ST8SIA6: variants seen among roughly 807,000 people sequenced by gnomAD.
ST8SIA6 encodes the protein ST8 alpha-N-acetyl-neuraminide alpha-2,8-sialyltransferase 6, also known as alpha-2,8-sialyltransferase 8F.
In ST8SIA6, 39 loss-of-function variants were observed where a neutral mutation model predicts 33.6. That is an observed-to-expected ratio of 1.16 (90% CI 0.90 to 1.52). ST8SIA6 has a LOEUF of 1.52. Ranked by LOEUF, ST8SIA6 falls within the 40% of genes most tolerant of loss-of-function variation. ST8SIA6 has a pLI of 0.00. For synonymous variants in ST8SIA6, 172 were observed against 167.2 expected (o/e 1.03, Z -0.22); for missense variants, 441 against 443.8 (o/e 0.99, Z 0.06).
chr10:17,449,950 T>A (rs1189348717), intron 2 of ST8SIA6, among the ~76,000 whole-genome samples: 2 of 152,172 alleles, frequency 1.3e-5, no homozygotes, highest in East Asian at 3.9e-4. Context: ...TGGGCAGCAC[T>A]CCATCCTGAG....
intron 2 of ST8SIA6, among the ~76,000 whole-genome samples, chr10:17,396,207 C>T (rs1850800190): frequency 1.3e-5 from 2 of 152,192 alleles, no homozygotes; most frequent in African/African-American, 2.4e-5. Context: ...TCTCAATTCC[C>T]TGATCCACTG....
At chr10:17,321,481 T>G (rs1374820775) in intron 7 of ST8SIA6, 135 bp from the exon 8 acceptor site, 1 of 664,322 alleles carries the variant, frequency 1.5e-6, no homozygotes, top group East Asian at 2.8e-5. Context: ...AGATAAAGTG[T>G]GGACTCAGAG....
intron 2 of ST8SIA6, among the ~76,000 whole-genome samples, chr10:17,451,020 C>T (rs1020364971): frequency 6.6e-6 from 1 of 152,194 alleles, no homozygotes; most frequent in Non-Finnish European, 1.5e-5. Flanking sequence ...AATGTGTTAA[C>T]TCTGTGACTG....
In ST8SIA6 at chr10:17,360,486, T is replaced by A. The variant is rs554768474; in HGVS notation, c.291-886A>T. On this transcript the variant is annotated intron_variant, in intron 3 of 7. Transcript: ENST00000377602. ...AAAGACTTTTTCTTATTTTTCTAAG[T>A]CTTCTTGAAAGAAAATTGTTTAAAG... is the stretch of plus-strand genomic sequence containing the variant. Among the ~76,000 whole-genome samples, 6 of 152,058 alleles carry A rather than the reference T, an allele frequency of 3.9e-5. No homozygotes were observed. In the East Asian group the frequency reaches 1.2e-3, roughly 29 times the overall value.
At chr10:17,411,624 T>C (rs1476374854) in intron 2 of ST8SIA6, among the ~76,000 whole-genome samples, 1 of 152,268 alleles carries the variant, frequency 6.6e-6, no homozygotes, top group Non-Finnish European at 1.5e-5. Context: ...CTACTTTGTC[T>C]TGTTGCAGAT....
At chr10:17,452,176 T>C (rs887749236) in intron 2 of ST8SIA6, among the ~76,000 whole-genome samples, 2 of 152,228 alleles carry the variant, frequency 1.3e-5, no homozygotes, top group African/African-American at 2.4e-5. Flanking sequence ...GGACACTATT[T>C]TTCTCAAAAG....
chr10:17,407,592 C>G (rs1851313966), intron 2 of ST8SIA6, among the ~76,000 whole-genome samples: 1 of 152,158 alleles, frequency 6.6e-6, no homozygotes, highest in East Asian at 1.9e-4. Context: ...GCTGTTCTCC[C>G]ATCTCCTGGC....
chr10:17,333,690 TATATATATATATATATATATA>T (rs1564404834), intron 4 of ST8SIA6, among the ~76,000 whole-genome samples: 1,509 of 39,092 alleles, frequency 0.039, 221 homozygotes, highest in East Asian at 0.093. Flanking sequence ...TATATATATA[TATATATATATATATATATATA>T]TATATATTTT....
At chr10:17,364,458 A>G (rs977376166) in intron 3 of ST8SIA6, among the ~76,000 whole-genome samples, 2 of 152,188 alleles carry the variant, frequency 1.3e-5, no homozygotes, top group African/African-American at 2.4e-5. Context: ...TACTCAAGGT[A>G]CTTACTCCCT....
At chr10:17,399,161 CT>C (rs1850937067) in intron 2 of ST8SIA6, 1 of 152,152 alleles carries the variant, frequency 6.6e-6, no homozygotes. Context: ...TTCTGGCTGC[CT>C]TTTAATTTCG....
chr10:17,327,237 G>A (rs760966276), intron 5 of ST8SIA6, 111 bp from the exon 6 acceptor site: 8 of 766,242 alleles, frequency 1.0e-5, no homozygotes, highest in Admixed American at 6.6e-5. Context: ...AGAAGAATAC[G>A]AACAAGAAAA....
At chr10:17,380,253 A>G (rs1455213413) in intron 3 of ST8SIA6, among the ~76,000 whole-genome samples, 2 of 152,180 alleles carry the variant, frequency 1.3e-5, no homozygotes, top group East Asian at 1.9e-4. Flanking sequence ...AGAGCAGTCT[A>G]CAGCTTGAGA....
At chr10:17,339,946 A>G (rs1320366307) in intron 4 of ST8SIA6, among the ~76,000 whole-genome samples, 2 of 152,190 alleles carry the variant, frequency 1.3e-5, no homozygotes, top group Non-Finnish European at 2.9e-5. Flanking sequence ...CTCTGCCTTT[A>G]TAGTGTTTGT....
Position 17,336,128 on chromosome 10 carries a change from T to C in ST8SIA6, c.378-4576A>G, listed in dbSNP as rs115221274. 5.0e-3 allele frequency among the ~76,000 whole-genome samples: 766 copies of C among 152,194 alleles called. 4 individuals carry two copies. Among genetic ancestry groups the C allele is most frequent in the African/African-American group, 0.018 (740 of 41,520 alleles). ...GCACCGACACGCCCGGCTTATGTTT[T>C]GTATTTTAAGTAGAAATGGCGTTTT... is the stretch of plus-strand genomic sequence containing the variant. On this transcript the variant is annotated intron_variant, in intron 4 of 7. Coordinates refer to ENST00000377602, the MANE Select transcript of ST8SIA6 (RefSeq NM_001004470.3).
intron 2 of ST8SIA6, among the ~76,000 whole-genome samples, chr10:17,419,006 A>AAG (rs1851692195): frequency 6.6e-6 from 1 of 151,202 alleles, no homozygotes; most frequent in South Asian, 2.1e-4. Flanking sequence ...AAAAAAAAAA[A>AAG]AAAAAAAAAG....
At chr10:17,437,944 C>T (rs372269875) in intron 2 of ST8SIA6, among the ~76,000 whole-genome samples, 175 of 151,840 alleles carry the variant, frequency 1.2e-3, no homozygotes, top group African/African-American at 3.8e-3. Flanking sequence ...TTGGCCAGGC[C>T]GATCTCGAAC....
At chr10:17,428,219 G>A (rs1851995172) in intron 2 of ST8SIA6, among the ~76,000 whole-genome samples, 1 of 152,130 alleles carries the variant, frequency 6.6e-6, no homozygotes, top group Non-Finnish European at 1.5e-5. Flanking sequence ...CAGATAATAT[G>A]TGCCAAGCAC....
intron 4 of ST8SIA6, among the ~76,000 whole-genome samples, chr10:17,340,983 A>G (rs1848653585): frequency 6.6e-6 from 1 of 152,202 alleles, no homozygotes; most frequent in Non-Finnish European, 1.5e-5. Flanking sequence ...TGTGTTGTGC[A>G]GCTACGGGAG....
intron 2 of ST8SIA6, among the ~76,000 whole-genome samples, chr10:17,411,087 G>T (rs1445738042): frequency 1.3e-5 from 2 of 152,138 alleles, no homozygotes; most frequent in African/African-American, 4.8e-5. Context: ...CTTGAATGTG[G>T]TAGTCGGTTC....
Sources: allele counts gnomAD v4.1 joint callset (sites outside exome capture counted in the v4.1 genomes callset), GRCh38; gene constraint gnomAD v4.1.1; transcripts MANE v1.5; gene names NCBI Gene and HGNC (gene_info 2026-07-23, HGNC 2026-07-21).